DCAF7: variants seen among roughly 807,000 people sequenced by gnomAD.
The protein encoded by DCAF7 is DDB1- and CUL4-associated factor 7.
DCAF7 carries 4 observed loss-of-function variants against 41.2 expected under a neutral mutation model. The ratio of observed to expected loss-of-function variants is 0.10; its 90% CI spans 0.05 to 0.22. The LOEUF (loss-of-function observed/expected upper bound fraction) is 0.22, where lower values mean the gene tolerates loss of function less well. DCAF7 is among the 10% of genes least tolerant of loss of function. DCAF7 has a pLI of 1.00. For synonymous variants in DCAF7, 143 were observed against 164.2 expected (o/e 0.87, Z 0.99); for missense variants, 131 against 443.2 (o/e 0.30, Z 6.32).
At chr17:63,579,290 A>G (rs1246004000) in intron 2 of DCAF7, 47 bp from the exon 3 acceptor site, 2 of 1,317,656 alleles carry the variant, frequency 1.5e-6, no homozygotes, top group Admixed American at 2.3e-5. Flanking sequence ...AAGACTTTTT[A>G]TGAGGATAAG....
At chr17:63,555,398 G>C (rs1303225089) in intron 1 of DCAF7, among the ~76,000 whole-genome samples, 2 of 152,112 alleles carry the variant, frequency 1.3e-5, no homozygotes, top group Non-Finnish European at 2.9e-5. Flanking sequence ...TGAAACACTG[G>C]GATGGGTACT....
chr17:63,568,124 G>A (rs775864651), intron 1 of DCAF7, among the ~76,000 whole-genome samples: 7 of 152,008 alleles, frequency 4.6e-5, no homozygotes, highest in Admixed American at 1.3e-4. Flanking sequence ...GGGTTCAAGC[G>A]ATTCTCCTGC....
rs1156718151 is a variant in DCAF7, at chr17:63,593,407, T to C, written c.*4235T>C. The stretch of plus-strand genomic sequence containing the variant: ...TGGGCCAGGTCCTCTCAGGCTACTT[T>C]CTGGATGTCATTTTTAAAATATGGA... On this transcript the variant is annotated 3_prime_UTR_variant, in exon 7 of 7. Coordinates refer to ENST00000614556, the MANE Select transcript of DCAF7 (RefSeq NM_005828.5). The C allele has an allele frequency of 2.0e-5, 3 of 152,666 alleles. No individual in the cohort carries two copies. The highest frequency in any genetic ancestry group is 7.2e-5 in the African/African-American group (3 of 41,458). The allele number at this position is 152,666 out of a possible 1,614,324, so 9.5% of individuals were successfully genotyped here.
chr17:63,562,222 G>A (rs995316585), intron 1 of DCAF7, among the ~76,000 whole-genome samples: 2 of 152,114 alleles, frequency 1.3e-5, no homozygotes, highest in Admixed American at 6.6e-5. Context: ...AGATTACATC[G>A]TATGGCACAG....
chr17:63,578,234 C>T (rs1327328584), intron 1 of DCAF7, among the ~76,000 whole-genome samples: 1 of 152,056 alleles, frequency 6.6e-6, no homozygotes, highest in Non-Finnish European at 1.5e-5. Context: ...TCTGGTGGTG[C>T]ATGCCTCTAA....
intron 1 of DCAF7, among the ~76,000 whole-genome samples, chr17:63,559,375 G>GTATATATATGTA (rs1442169231): frequency 1.2e-5 from 1 of 81,168 alleles, no homozygotes; most frequent in African/African-American, 6.5e-5. Flanking sequence ...ATATATATAT[G>GTATATATATGTA]TGTATATATA....
At chr17:63,588,873 T>A (rs1568106778) in intron 6 of DCAF7, 127 bp from the exon 7 acceptor site, 2 of 1,008,406 alleles carry the variant, frequency 2.0e-6, no homozygotes, top group South Asian at 3.5e-5. Context: ...ATCGATAAAA[T>A]GGGGGCTTAA....
In DCAF7 at chr17:63,589,182, C is replaced by T. The variant is rs372353252; in HGVS notation, c.*10C>T. The T allele has an allele frequency of 7.4e-6, 12 of 1,611,654 alleles. No homozygotes were observed. Among genetic ancestry groups the T allele is most frequent in the African/African-American group, 2.7e-5 (2 of 74,330 alleles). ...GATACTCAGAGTGTAGTGTTGGTGG[C>T]GCTGTGCCCACGAGGCAGGGGCTTT... On this transcript the variant is annotated 3_prime_UTR_variant, in exon 7 of 7. Transcript: ENST00000614556.
intron 1 of DCAF7, among the ~76,000 whole-genome samples, chr17:63,560,711 G>T (rs1197559688): frequency 6.6e-6 from 1 of 152,092 alleles, no homozygotes; most frequent in Non-Finnish European, 1.5e-5. Context: ...CCTTGTGTAT[G>T]TATTACCTAG....
chr17:63,575,115 G>C (rs1411586772), intron 1 of DCAF7, among the ~76,000 whole-genome samples: 3 of 151,158 alleles, frequency 2.0e-5, no homozygotes, highest in South Asian at 2.1e-4. Flanking sequence ...TCAGGAGTTT[G>C]AGACCAGCCT....
At chr17:63,558,379 A>G (rs1373434428) in intron 1 of DCAF7, among the ~76,000 whole-genome samples, 2 of 152,210 alleles carry the variant, frequency 1.3e-5, no homozygotes, top group Non-Finnish European at 1.5e-5. Flanking sequence ...ACTTGGGGAT[A>G]TACTTAGGCA....
chr17:63,556,662 T>G (rs982313081), intron 1 of DCAF7, among the ~76,000 whole-genome samples: 1 of 150,230 alleles, frequency 6.7e-6, no homozygotes, highest in Non-Finnish European at 1.5e-5. Context: ...AGGTCAGGAG[T>G]TTGAGACCAG....
chr17:63,555,683 A>G (rs549904390), intron 1 of DCAF7, among the ~76,000 whole-genome samples: 1 of 152,344 alleles, frequency 6.6e-6, no homozygotes, highest in East Asian at 1.9e-4. Flanking sequence ...GACTGTCAGC[A>G]GGGGAATTTA....
At chr17:63,583,397 G>A (rs2033644520) in intron 4 of DCAF7, 105 bp from the exon 5 acceptor site, 2 of 992,458 alleles carry the variant, frequency 2.0e-6, no homozygotes, top group Non-Finnish European at 1.6e-6. Context: ...ATCTGCTTTT[G>A]TGTCATGAGC....
intron 1 of DCAF7, among the ~76,000 whole-genome samples, chr17:63,573,705 G>C (rs138852033): frequency 0.023 from 3,470 of 151,592 alleles, 126 homozygotes; most frequent in African/African-American, 0.079. Context: ...ACTCCAGCCT[G>C]GGTGACAAGA....
chr17:63,558,656 A>G (rs1001799934), intron 1 of DCAF7, among the ~76,000 whole-genome samples: 1 of 152,094 alleles, frequency 6.6e-6, no homozygotes, highest in Non-Finnish European at 1.5e-5. Flanking sequence ...GTGTCTCACT[A>G]TGTTGCTCAG....
At chr17:63,579,256 A>C in intron 2 of DCAF7, 81 bp from the exon 3 acceptor site, 1 of 938,190 alleles carries the variant, frequency 1.1e-6, no homozygotes, top group Non-Finnish European at 1.6e-6. Flanking sequence ...TTGCTAAGAT[A>C]TTTTCTAAAC....
chr17:63,581,266 C>T (rs375027790), intron 4 of DCAF7, among the ~76,000 whole-genome samples: 12 of 152,310 alleles, frequency 7.9e-5, no homozygotes, highest in African/African-American at 2.9e-4. Context: ...ACTTAGCCTG[C>T]TGTTGTCTGT....
chr17:63,551,307 A>ACCC (rs34112812), intron 1 of DCAF7, among the ~76,000 whole-genome samples: 2,359 of 85,946 alleles, frequency 0.027, 30 homozygotes, highest in Admixed American at 0.037. Flanking sequence ...CCCTACTCCC[A>ACCC]CCCCCCCCGG....
Sources: allele counts gnomAD v4.1 joint callset (sites outside exome capture counted in the v4.1 genomes callset), GRCh38; gene constraint gnomAD v4.1.1; transcripts MANE v1.5; gene names NCBI Gene and HGNC (gene_info 2026-07-23, HGNC 2026-07-21).